Variants in CPNE6 observed in about 807,000 individuals in gnomAD.
CPNE6 encodes copine-6.
Under a neutral mutation model 71.5 loss-of-function variants are expected in CPNE6, and 33 were observed. That is an observed-to-expected ratio of 0.46 (90% CI 0.35 to 0.62). CPNE6 has a LOEUF of 0.62. Among genes scored for constraint, CPNE6 ranks in the 20% least tolerant of loss-of-function variants. The pLI is 0.00. For synonymous variants in CPNE6, 296 were observed against 293.0 expected, an observed-to-expected ratio of 1.01 and a Z score of -0.10; for missense variants, 576 against 747.3, an observed-to-expected ratio of 0.77 and a Z score of 2.67.
intron 2 of CPNE6, chr14:24,072,605 G>A: frequency 4.2e-6 from 1 of 238,798 alleles, no homozygotes; most frequent in Non-Finnish European, 8.1e-6. Flanking sequence ...AGCAGAAGGT[G>A]CTGAGGCGGC....
Position 24,075,747 on chromosome 14 carries a change from T to A in CPNE6, c.865-80T>A. ...CCCAAAAAACTCTGGCTCCCCCATG[T>A]TCCCCACAGAAGCCCTACCCAAGCT... On this transcript the variant is annotated intron_variant, in intron 10 of 17. Transcript: ENST00000397016. This position sits in a 1 kb window ranked among gnomAD's most constrained non-coding sequence, Gnocchi z 4.3. 2 of 1,450,978 alleles carry A rather than the reference T, an allele frequency of 1.4e-6. No individual in the cohort carries two copies. Among genetic ancestry groups the A allele is most frequent in the Admixed American group, 1.7e-5 (1 of 58,380 alleles). The allele number at this position is 1,450,978 out of a possible 1,614,324, so 89.9% of individuals were successfully genotyped here.
exon 1 of CPNE6, chr14:24,071,008 T>A: frequency 1.3e-6 from 2 of 1,535,664 alleles, no homozygotes; most frequent in Non-Finnish European, 1.7e-6. Flanking sequence ...CACGGGAAGA[T>A]CACATCCTGC....
chr14:24,072,776 C>G (rs2035940002), intron 2 of CPNE6, 157 bp from the exon 2 acceptor site: 1 of 598,808 alleles, frequency 1.7e-6, no homozygotes. Flanking sequence ...CTCCCCTGCT[C>G]AGAACTCTGG....
rs2035979660 is a variant in CPNE6, at chr14:24,073,936, C to T, written c.349-115C>T. ...GTAAAAATTGAGCCCAACCCTAGCC[C>T]AACTCAAAGTGCCAACCCTTGCAGA... On this transcript the variant is annotated intron_variant, in intron 4 of 17. Transcript: ENST00000397016. The surrounding 1 kb of genome is among the most constrained non-coding windows in gnomAD (Gnocchi z 5.5). The T allele has an allele frequency of 2.9e-6, 3 of 1,046,734 alleles. No homozygotes were observed. The highest frequency in any genetic ancestry group is 2.9e-6 in the Non-Finnish European group (2 of 679,202). The allele number at this position is 1,046,734 out of a possible 1,614,324, so 64.8% of individuals were successfully genotyped here.
At chr14:24,072,890 T>A (rs771056899) in intron 2 of CPNE6, 43 bp from the exon 2 acceptor site, 2 of 1,448,796 alleles carry the variant, frequency 1.4e-6, no homozygotes, top group Non-Finnish European at 1.8e-6. Context: ...TGCTGGCAGG[T>A]GTTCCCTTTC....
rs1381259852 is a variant in CPNE6, at chr14:24,075,710, C to A, written c.865-117C>A. Reference sequence around the variant, plus strand: ...TCTGCTTCTGGGAACTGGAAACCACCCCCAACTGCAACCCAAAAAACTCTG... The same window carrying A: ...TCTGCTTCTGGGAACTGGAAACCACACCCAACTGCAACCCAAAAAACTCTG... On this transcript the variant is annotated intron_variant, in intron 10 of 17. Transcript: ENST00000397016. This position sits in a 1 kb window ranked among gnomAD's most constrained non-coding sequence, Gnocchi z 4.3. The A allele has an allele frequency of 8.1e-6, 11 of 1,351,362 alleles. No individual in the cohort carries two copies. Among genetic ancestry groups the A allele is most frequent in the Non-Finnish European group, 1.0e-6 (1 of 959,260 alleles). The allele number at this position is 1,351,362 out of a possible 1,614,324, so 83.7% of individuals were successfully genotyped here.
intron 1 of CPNE6, 44 bp from the exon 1 acceptor site, chr14:24,071,518 C>T: frequency 1.3e-6 from 2 of 1,520,150 alleles, no homozygotes; most frequent in South Asian, 1.2e-5. Flanking sequence ...CCCACCCCTC[C>T]CCATCCAGGC....
In CPNE6 at chr14:24,075,948, A is replaced by G; in HGVS notation, c.924+62A>G. 1 of 1,592,744 alleles carries G rather than the reference A, an allele frequency of 6.3e-7. No individual in the cohort carries two copies. The highest frequency in any genetic ancestry group is 8.6e-7 in the Non-Finnish European group (1 of 1,161,530). Reference sequence around the variant, plus strand: ...AGGGGCTGAGTCCATAGTGAAAGGAAGGAGCCCAGAATCTCCACTGCCCCA... The same window carrying G: ...AGGGGCTGAGTCCATAGTGAAAGGAGGGAGCCCAGAATCTCCACTGCCCCA... On this transcript the variant is annotated intron_variant, in intron 11 of 17. Transcript: ENST00000397016. This position sits in a 1 kb window ranked among gnomAD's most constrained non-coding sequence, Gnocchi z 4.3.
rs2035952202 is a variant in CPNE6 at position 24,073,065 on chromosome 14, C to T, written c.129C>T (p.Cys43=). Residue 43 remains cysteine, a synonymous_variant, in exon 3 of 18, where the codon TGC becomes TGT. Transcript: ENST00000397016. The surrounding 1 kb of genome is among the most constrained non-coding windows in gnomAD (Gnocchi z 5.5). ...ACACACTCACCAAACCCCACCCCTGCGTGCTGCTCAAGCTCTACTCTGATG... is the reference window on the plus strand; with the variant it reads ...ACACACTCACCAAACCCCACCCCTGTGTGCTGCTCAAGCTCTACTCTGATG... The T allele has an allele frequency of 4.6e-6, 7 of 1,531,252 alleles. No homozygotes were observed. The highest frequency in any genetic ancestry group is 1.3e-5 in the South Asian group (1 of 79,752). 94.9% of individuals were successfully genotyped at this position (1,531,252 alleles called of 1,614,324 possible). A position where few individuals can be genotyped will look rare whatever the true frequency, so the allele number is the denominator to read the frequency against.
At chr14:24,071,500 C>CGGGCG in intron 1 of CPNE6, 62 bp from the exon 1 acceptor site, 1 of 1,476,306 alleles carries the variant, frequency 6.8e-7, no homozygotes, top group Non-Finnish European at 9.0e-7. Flanking sequence ...GCTGGTGCTG[C>CGGGCG]GCCCCCCCCC....
rs1414248809 is a variant in CPNE6, at chr14:24,074,726, C to T, written c.603C>T (p.Asn201=). 1.6e-5 allele frequency: 26 copies of T among 1,613,984 alleles called. No homozygotes were observed. The highest frequency in any genetic ancestry group is 2.2e-5 in the Non-Finnish European group (26 of 1,180,018). The change falls in exon 8 of 18, where the codon AAC becomes AAT. Residue 201 remains asparagine (N), a synonymous_variant. Transcript: ENST00000397016. This position sits in a 1 kb window ranked among gnomAD's most constrained non-coding sequence, Gnocchi z 4.5. The stretch of plus-strand genomic sequence containing the variant: ...CCAAGGTGGTGAAGAACAACCTGAA[C>T]CCCAGCTGGGAGCCGTTCCGCCTGT...
At chr14:24,071,511 A>AGC in intron 1 of CPNE6, 51 bp from the exon 1 acceptor site, 1 of 310,976 alleles carries the variant, frequency 3.2e-6, no homozygotes. Flanking sequence ...GCCCCCCCCC[A>AGC]CCCCTCCCCA....
Position 24,077,869 on chromosome 14 carries a change from C to T in CPNE6, c.*38-19C>T. On this transcript the variant is annotated intron_variant, in intron 17 of 17. Coordinates refer to ENST00000397016, the Ensembl canonical transcript of CPNE6. The surrounding 1 kb of genome is among the most constrained non-coding windows in gnomAD (Gnocchi z 6.1). ...GTAGTGTAGAAGAGAGTGCTTATGACTCTCCCACCCCCTCCCAGGTGCCTG... is the reference window on the plus strand; with the variant it reads ...GTAGTGTAGAAGAGAGTGCTTATGATTCTCCCACCCCCTCCCAGGTGCCTG... 1.1e-6 allele frequency: 1 copy of T among 918,836 alleles called. No individual in the cohort carries two copies. Among genetic ancestry groups the T allele is most frequent in the Non-Finnish European group, 1.5e-6 (1 of 663,014 alleles). The allele number at this position is 918,836 out of a possible 1,614,324, so 56.9% of individuals were successfully genotyped here.
Position 24,075,375 on chromosome 14 carries a change from G to T in CPNE6, c.777+99G>T. On this transcript the variant is annotated intron_variant, in intron 9 of 17. Transcript: ENST00000397016. This position sits in a 1 kb window ranked among gnomAD's most constrained non-coding sequence, Gnocchi z 4.3. ...CACCATAGGTGATAGGAAGTGGAGA[G>T]GGTGGAAAGCACCTGGGCTCAGCTG... 7.2e-7 allele frequency: 1 copy of T among 1,387,660 alleles called. No homozygotes were observed. The highest frequency in any genetic ancestry group is 1.0e-6 in the Non-Finnish European group (1 of 976,070). The allele number at this position is 1,387,660 out of a possible 1,614,324, so 86.0% of individuals were successfully genotyped here. A position where few individuals can be genotyped will look rare whatever the true frequency, so the allele number is the denominator to read the frequency against.
At chr14:24,071,011 C>T (rs993849560) in exon 1 of CPNE6, 43 of 1,535,572 alleles carry the variant, frequency 2.8e-5, no homozygotes, top group Middle Eastern at 1.7e-4. Flanking sequence ...GGGAAGATCA[C>T]ATCCTGCTGT....
In CPNE6 at chr14:24,077,212, G is replaced by A. The variant is rs943257580; in HGVS notation, c.1358G>A (p.Arg453His). ...GTGGTGAGCGACATGGCTGAGACTC[G>A]CACTGCTATCGTGCGTGCCTCCCGC... Residue 453 changes from arginine (R) to histidine (H), a missense_variant, in exon 16 of 18, where the codon CGC becomes CAC. Transcript: ENST00000397016. This position sits in a 1 kb window ranked among gnomAD's most constrained non-coding sequence, Gnocchi z 6.1. 1 of 1,611,574 alleles carries A rather than the reference G, an allele frequency of 6.2e-7. No homozygotes were observed. Among genetic ancestry groups the A allele is most frequent in the Non-Finnish European group, 8.5e-7 (1 of 1,180,018 alleles).
Position 24,073,703 on chromosome 14 carries a change from T to C in CPNE6, c.348+25T>C. 6.3e-7 allele frequency: 1 copy of C among 1,598,702 alleles called. No homozygotes were observed. Among genetic ancestry groups the C allele is most frequent in the Non-Finnish European group, 8.5e-7 (1 of 1,171,732 alleles). On this transcript the variant is annotated intron_variant, in intron 4 of 17. Transcript: ENST00000397016. The surrounding 1 kb of genome is among the most constrained non-coding windows in gnomAD (Gnocchi z 5.5). The stretch of plus-strand genomic sequence containing the variant: ...GGTCTGCATTCCCGGCCTCCCCGGC[T>C]ACCCTACCCTACCTCCATCAGCTTT...
chr14:24,071,679 A>G (rs749721971), intron 2 of CPNE6, 38 bp downstream of exon 1: 179 of 706,670 alleles, frequency 2.5e-4, no homozygotes, highest in Non-Finnish European at 4.2e-5. Context: ...GCCCCAGCCC[A>G]GCCCAGCTTG....
At position 24,076,285 on chromosome 14, in the gene CPNE6, A is replaced by G. The variant is rs953154440; in HGVS notation, c.1058+3A>G. On this transcript the variant is annotated splice_donor_region_variant and intron_variant, in intron 12 of 17. Transcript: ENST00000397016. ...GGCATCTGCCAGGACTATGACAGGT[A>G]GGAGAGAGTGGGGCGGGAGGGAACA... 5.0e-5 allele frequency: 80 copies of G among 1,614,106 alleles called. No individual in the cohort carries two copies. The highest frequency in any genetic ancestry group is 6.7e-5 in the Non-Finnish European group (79 of 1,180,036).
Sources: allele counts gnomAD v4.1 joint callset, GRCh38; gene constraint gnomAD v4.1.1; non-coding constraint Gnocchi (gnomAD v3.1); transcripts MANE v1.5; gene names NCBI Gene and HGNC (gene_info 2026-07-23, HGNC 2026-07-21).